Variants in URI1 observed in about 807,000 individuals in gnomAD.
URI1 encodes unconventional prefoldin RPB5 interactor 1.
URI1 carries 39 observed loss-of-function variants against 60.2 expected under a neutral mutation model. The observed-to-expected ratio is 0.65, with a 90% CI of 0.50 to 0.85. The LOEUF (loss-of-function observed/expected upper bound fraction) is 0.85. Ranked by LOEUF, URI1 falls within the 40% of genes least tolerant of loss-of-function variation. The probability of loss-of-function intolerance (pLI) is 0.00; values close to 1 mark genes in which losing one functional copy is unlikely to be tolerated. For synonymous variants in URI1, 251 were observed against 236.8 expected (o/e 1.06, Z -0.55); for missense variants, 691 against 665.9 (o/e 1.04, Z -0.42).
rs199962604 is a variant in URI1, at chr19:30,014,962, G to T, written c.1501G>T (p.Ala501Ser). Residue 501 changes from alanine to serine, a missense_variant, in exon 11 of 11, where the codon GCA becomes TCA. Coordinates refer to ENST00000392271, the MANE Select transcript of URI1 (RefSeq NM_003796.3). ...LTPPPAIAHP[A>S]LPTIPERKEV... Reference sequence around the variant, plus strand: ...ACCACCCCCAGCCATTGCTCATCCCGCACTACCCACTATTCCAGAACGAAA... The same window carrying T: ...ACCACCCCCAGCCATTGCTCATCCCTCACTACCCACTATTCCAGAACGAAA... 5.0e-6 allele frequency: 8 copies of T among 1,613,548 alleles called. No individual in the cohort carries two copies. Among genetic ancestry groups the T allele is most frequent in the African/African-American group, 4.0e-5 (3 of 74,860 alleles).
intron 2 of URI1, among the ~76,000 whole-genome samples, chr19:29,981,472 C>G (rs2055596629): frequency 6.6e-6 from 1 of 151,838 alleles, no homozygotes; most frequent in South Asian, 2.1e-4. Context: ...GTCTTCATCG[C>G]TGCTGCCTAT....
rs1350916366 is a variant in URI1, at chr19:30,012,275, A to T, written c.1179-10A>T. Reference sequence around the variant, plus strand: ...GTATAGTGAATGCATATGTGTTTTGAATATCACAGAGCCTTTGTTGATGTT... The same window carrying T: ...GTATAGTGAATGCATATGTGTTTTGTATATCACAGAGCCTTTGTTGATGTT... On this transcript the variant is annotated splice_polypyrimidine_tract_variant and intron_variant, in intron 9 of 10. Coordinates refer to ENST00000392271, the MANE Select transcript of URI1 (RefSeq NM_003796.3). The T allele has an allele frequency of 6.2e-7, 1 of 1,607,294 alleles. No homozygotes were observed. The highest frequency in any genetic ancestry group is 2.2e-5 in the East Asian group (1 of 44,694).
intron 8 of URI1, 56 bp downstream of exon 8, chr19:30,009,409 T>C: frequency 1.9e-5 from 27 of 1,454,956 alleles, no homozygotes; most frequent in Non-Finnish European, 2.5e-5. Context: ...TTAAGCATTA[T>C]GATATTTTTT....
At chr19:29,928,173 G>A (rs1235585797) in intron 1 of URI1, among the ~76,000 whole-genome samples, 1 of 152,112 alleles carries the variant, frequency 6.6e-6, no homozygotes, top group Non-Finnish European at 1.5e-5. Flanking sequence ...GCCTCTGAAT[G>A]AGAGCTGCCC....
intron 8 of URI1, 41 bp from the exon 9 acceptor site, chr19:30,011,053 A>C (rs2056011076): frequency 6.3e-7 from 1 of 1,584,980 alleles, no homozygotes; most frequent in East Asian, 2.3e-5. Flanking sequence ...CTTTGATTTA[A>C]TTTGTCAAAA....
intron 1 of URI1, among the ~76,000 whole-genome samples, chr19:29,947,416 G>A (rs2055116217): frequency 6.6e-6 from 1 of 152,190 alleles, no homozygotes; most frequent in Non-Finnish European, 1.5e-5. Flanking sequence ...CTCATGGCGT[G>A]TTTGTGTCTT....
intron 10 of URI1, among the ~76,000 whole-genome samples, chr19:30,013,859 C>T (rs936181079): frequency 6.6e-6 from 1 of 152,012 alleles, no homozygotes; most frequent in Non-Finnish European, 1.5e-5. Flanking sequence ...CAGTTGAACT[C>T]CAAAAATAAT....
At chr19:30,002,843 GTATATT>G (rs1267262840) in intron 4 of URI1, among the ~76,000 whole-genome samples, 3 of 151,838 alleles carry the variant, frequency 2.0e-5, no homozygotes, top group African/African-American at 7.3e-5. Context: ...ATATCACAAA[GTATATT>G]TCTTTTTCTC....
At chr19:29,925,110 A>G (rs2054854821) in intron 1 of URI1, among the ~76,000 whole-genome samples, 1 of 152,240 alleles carries the variant, frequency 6.6e-6, no homozygotes, top group Non-Finnish European at 1.5e-5. Context: ...TGCTGGGATT[A>G]CAGGCGTGAG....
intron 1 of URI1, among the ~76,000 whole-genome samples, chr19:29,964,868 T>TC (rs1358338960): frequency 6.6e-6 from 1 of 151,968 alleles, no homozygotes; most frequent in Non-Finnish European, 1.5e-5. Context: ...TTTTTTTTTT[T>TC]TTCTTCTACT....
At chr19:29,944,991 C>T (rs1181857210) in intron 1 of URI1, among the ~76,000 whole-genome samples, 1 of 152,220 alleles carries the variant, frequency 6.6e-6, no homozygotes, top group Non-Finnish European at 1.5e-5. Flanking sequence ...AGCGTAGTGA[C>T]ATCCTGAGTG....
Position 29,971,240 on chromosome 19 carries a change from T to C in URI1, c.152+13T>C. ...GAATCCAGCATTGGTGAGTGAAAGA[T>C]GGTTTTATTACACTTCTGAAATACT... On this transcript the variant is annotated intron_variant, in intron 2 of 10. Coordinates refer to ENST00000392271, the MANE Select transcript of URI1 (RefSeq NM_003796.3). 1 of 1,612,810 alleles carries C rather than the reference T, an allele frequency of 6.2e-7. No homozygotes were observed. The highest frequency in any genetic ancestry group is 1.3e-5 in the African/African-American group (1 of 74,996).
At chr19:29,936,257 C>T (rs2054971512) in intron 1 of URI1, among the ~76,000 whole-genome samples, 1 of 152,148 alleles carries the variant, frequency 6.6e-6, no homozygotes. Flanking sequence ...GTGCCCACCA[C>T]CGCATCTGGC....
At chr19:29,929,175 T>C (rs574136822) in intron 1 of URI1, among the ~76,000 whole-genome samples, 1 of 152,348 alleles carries the variant, frequency 6.6e-6, no homozygotes, top group African/African-American at 2.4e-5. Context: ...TATAAGTCTA[T>C]GTTTGACTTT....
At chr19:29,962,332 T>C (rs1046695658) in intron 1 of URI1, among the ~76,000 whole-genome samples, 5 of 151,550 alleles carry the variant, frequency 3.3e-5, no homozygotes, top group Non-Finnish European at 5.9e-5. Flanking sequence ...TTGTTTGTGA[T>C]ACATTATTTT....
At chr19:29,946,133 G>C (rs1202923439) in intron 1 of URI1, among the ~76,000 whole-genome samples, 1 of 152,060 alleles carries the variant, frequency 6.6e-6, no homozygotes, top group Non-Finnish European at 1.5e-5. Flanking sequence ...GAGAAATTCA[G>C]ATCATCCTTT....
intron 4 of URI1, among the ~76,000 whole-genome samples, chr19:29,999,321 G>T (rs141185883): frequency 7.9e-5 from 12 of 152,220 alleles, no homozygotes; most frequent in African/African-American, 2.6e-4. Flanking sequence ...TCTACCCGAA[G>T]AACTTCCTTT....
intron 1 of URI1, among the ~76,000 whole-genome samples, chr19:29,929,966 G>A (rs2054902846): frequency 7.1e-6 from 1 of 140,458 alleles, no homozygotes; most frequent in Non-Finnish European, 1.5e-5. Context: ...TTGAGACTGA[G>A]TTTTGCTCTG....
rs1188873253 is a variant in URI1 at position 30,007,454 on chromosome 19, T to C, written c.518-16T>C. 6.2e-7 allele frequency: 1 copy of C among 1,610,000 alleles called. No homozygotes were observed. Among genetic ancestry groups the C allele is most frequent in the African/African-American group, 1.3e-5 (1 of 74,628 alleles). On this transcript the variant is annotated splice_polypyrimidine_tract_variant and intron_variant, in intron 6 of 10. Transcript: ENST00000392271. The stretch of plus-strand genomic sequence containing the variant: ...GTTGGCTATTAACAGCCACGTCTTT[T>C]CCTTTTTCTAAATAGCAAAACACCG...
Sources: allele counts gnomAD v4.1 joint callset (sites outside exome capture counted in the v4.1 genomes callset), GRCh38; gene constraint gnomAD v4.1.1; transcripts MANE v1.5; gene names NCBI Gene and HGNC (gene_info 2026-07-23, HGNC 2026-07-21).